The following CNBD1 variants were observed in gnomAD, a reference collection of about 807,000 sequenced individuals.
CNBD1 encodes the protein cyclic nucleotide-binding domain-containing protein 1.
A neutral mutation model predicts 54.4 loss-of-function variants in CNBD1; 71 were observed. The ratio of observed to expected loss-of-function variants is 1.30; its 90% confidence interval spans 1.08 to 1.59. The LOEUF is 1.59. Among genes scored for constraint, CNBD1 ranks in the 40% most tolerant of loss-of-function variants. CNBD1 has a pLI of 0.00. For synonymous variants in CNBD1, 182 were observed against 170.7 expected (o/e 1.07, Z -0.51); for missense variants, 659 against 518.0 (o/e 1.27, Z -2.64).
At chr8:87,047,055 A>G (rs930069270) in intron 4 of CNBD1, among the ~76,000 whole-genome samples, 3 of 152,152 alleles carry the variant, frequency 2.0e-5, no homozygotes, top group Admixed American at 6.5e-5. Flanking sequence ...TCAACATTTT[A>G]TCTCACGTGT....
chr8:87,281,555 T>TATATATATATATATAG (rs2130867061), intron 6 of CNBD1, among the ~76,000 whole-genome samples: 1 of 3,954 alleles, frequency 2.5e-4, no homozygotes, highest in East Asian at 3.4e-3. Flanking sequence ...TATATATATA[T>TATATATATATATATAG]ATATATATAT....
At chr8:87,323,547 T>G (rs1809591726) in intron 8 of CNBD1, among the ~76,000 whole-genome samples, 1 of 120,906 alleles carries the variant, frequency 8.3e-6, no homozygotes. Context: ...CCTAGGTATT[T>G]TATTCTCTTT....
chr8:87,313,204 T>C (rs531737874), intron 8 of CNBD1, among the ~76,000 whole-genome samples: 2 of 152,118 alleles, frequency 1.3e-5, no homozygotes, highest in East Asian at 3.9e-4. Context: ...ACTACGTTAA[T>C]ATTTATTTAT....
chr8:87,261,446 C>G (rs1012340895), intron 6 of CNBD1, among the ~76,000 whole-genome samples: 12 of 149,122 alleles, frequency 8.0e-5, no homozygotes, highest in African/African-American at 2.7e-4. Flanking sequence ...ATGAACCATT[C>G]ATGAATCAAG....
At position 87,026,578 on chromosome 8, in the gene CNBD1, T is replaced by TA. The variant is rs199686658; in HGVS notation, c.431+86830dup. Among the ~76,000 whole-genome samples the TA allele has an allele frequency of 3.6e-4, 55 of 152,280 alleles. No individual in the cohort carries two copies. In the East Asian group the frequency reaches 0.01, roughly 28 times the overall value. On this transcript the variant is annotated intron_variant, in intron 4 of 10. Coordinates refer to ENST00000518476, the MANE Select transcript of CNBD1 (RefSeq NM_173538.3). Reference sequence around the variant, plus strand: ...ATTTTATGATTTTCTCTTCTCTTTTTAAAAAATAACTAGTCATTTTATATT... The same window carrying TA: ...ATTTTATGATTTTCTCTTCTCTTTTTAAAAAAATAACTAGTCATTTTATATT...
intron 4 of CNBD1, among the ~76,000 whole-genome samples, chr8:87,038,011 GT>G (rs1809985871): frequency 5.9e-5 from 9 of 152,294 alleles, no homozygotes; most frequent in Non-Finnish European, 1.2e-4. Flanking sequence ...CTCACACCAA[GT>G]TTTCATGGGG....
chr8:87,418,928 T>C (rs1037590551), intron 2 of CNBD1, among the ~76,000 whole-genome samples: 5 of 151,878 alleles, frequency 3.3e-5, no homozygotes, highest in African/African-American at 4.8e-5. Context: ...ACTTTTTATA[T>C]GACTCAGCAA....
At chr8:87,255,552 A>G (rs937139400) in intron 6 of CNBD1, among the ~76,000 whole-genome samples, 9 of 152,028 alleles carry the variant, frequency 5.9e-5, no homozygotes, top group African/African-American at 2.2e-4. Flanking sequence ...ATATAAATAT[A>G]ATCAGGTTTT....
intron 4 of CNBD1, among the ~76,000 whole-genome samples, chr8:86,987,742 G>C (rs1808639833): frequency 6.6e-6 from 1 of 152,086 alleles, no homozygotes; most frequent in Admixed American, 6.6e-5. Context: ...AAGCTTTTCT[G>C]TGTCTATTGA....
At chr8:87,080,209 G>T (rs1422524749) in intron 4 of CNBD1, among the ~76,000 whole-genome samples, 1 of 152,056 alleles carries the variant, frequency 6.6e-6, no homozygotes, top group Non-Finnish European at 1.5e-5. Flanking sequence ...AATAAGCCTG[G>T]CAATCAGATA....
chr8:87,173,406 C>G (rs1813130412), intron 4 of CNBD1, among the ~76,000 whole-genome samples: 3 of 152,150 alleles, frequency 2.0e-5, no homozygotes, highest in African/African-American at 7.2e-5. Context: ...TTTCTTATTG[C>G]TCATTAACTT....
intron 3 of CNBD1, among the ~76,000 whole-genome samples, chr8:86,908,886 C>A (rs945212333): frequency 2.0e-5 from 3 of 150,940 alleles, no homozygotes; most frequent in African/African-American, 7.3e-5. Flanking sequence ...CAGCCTCAGC[C>A]TCCTGGGACT....
chr8:87,422,556 T>C (rs995242999), intron 2 of CNBD1, among the ~76,000 whole-genome samples: 2 of 152,128 alleles, frequency 1.3e-5, no homozygotes, highest in African/African-American at 4.8e-5. Flanking sequence ...CTTGTTTTTC[T>C]CAGGTTTGTC....
At chr8:87,202,738 C>T (rs191060721) in intron 4 of CNBD1, among the ~76,000 whole-genome samples, 154 of 152,116 alleles carry the variant, frequency 1.0e-3, no homozygotes, top group Admixed American at 2.5e-3. Flanking sequence ...TGAATGAGTC[C>T]GAATGCAGAA....
rs867730218 is a variant in CNBD1 at position 87,096,906 on chromosome 8, A to G, written c.432-109087A>G. The stretch of plus-strand genomic sequence containing the variant: ...GAAATTTGAGAGAAGACAAGTTTAA[A>G]TGCCAGAAAGCAGTGAAGCACTGGA... On this transcript the variant is annotated intron_variant, in intron 4 of 10. Transcript: ENST00000518476. 3.3e-5 allele frequency among the ~76,000 whole-genome samples: 5 copies of G among 152,166 alleles called. No individual in the cohort carries two copies. In the South Asian group the frequency reaches 6.2e-4, roughly 19 times the overall value.
chr8:87,170,355 A>T (rs1173766263), intron 4 of CNBD1, among the ~76,000 whole-genome samples: 1 of 152,162 alleles, frequency 6.6e-6, no homozygotes, highest in Non-Finnish European at 1.5e-5. Context: ...AGATTATATC[A>T]TCTGCAAACA....
intron 4 of CNBD1, among the ~76,000 whole-genome samples, chr8:87,025,562 C>T (rs1486824477): frequency 6.6e-6 from 1 of 151,502 alleles, no homozygotes; most frequent in Non-Finnish European, 1.5e-5. Flanking sequence ...AGACCGCGAA[C>T]CCACCAGGTG....
In CNBD1 at chr8:86,965,529, T is replaced by A. The variant is rs114328091; in HGVS notation, c.431+25775T>A. Among the ~76,000 whole-genome samples the A allele has an allele frequency of 6.5e-3, 991 of 152,234 alleles. 19 individuals are homozygous for A. The highest frequency in any genetic ancestry group is 0.023 in the African/African-American group (938 of 41,530). On this transcript the variant is annotated intron_variant, in intron 4 of 10. Coordinates refer to ENST00000518476, the MANE Select transcript of CNBD1 (RefSeq NM_173538.3). ...ACCATGCTAGTCATTTTTAACTGGCTAAGAGTCCAGTGTTTTTTCTTCATT... is the reference window on the plus strand; with the variant it reads ...ACCATGCTAGTCATTTTTAACTGGCAAAGAGTCCAGTGTTTTTTCTTCATT...
rs970564402 is a variant in CNBD1 at position 87,182,901 on chromosome 8, G to A, written c.432-23092G>A. 3.3e-5 allele frequency among the ~76,000 whole-genome samples: 5 copies of A among 152,046 alleles called. No homozygotes were observed. Among genetic ancestry groups the A allele is most frequent in the African/African-American group, 1.2e-4 (5 of 41,400 alleles). On this transcript the variant is annotated intron_variant, in intron 4 of 10. Coordinates refer to ENST00000518476, the MANE Select transcript of CNBD1 (RefSeq NM_173538.3). The surrounding 1 kb of genome is among the most constrained non-coding windows in gnomAD (Gnocchi z 4.1). ...CTTTGTCCTGTGCAGAACCTCTTTG[G>A]TTTAATTAGGTTACACTTATGTATT... is the stretch of plus-strand genomic sequence containing the variant.
Sources: gnomAD v4.1 joint callset for allele counts (sites outside exome capture counted in the v4.1 genomes callset) on GRCh38, gnomAD v4.1.1 for gene constraint, Gnocchi (gnomAD v3.1) non-coding constraint, MANE v1.5 for transcripts, NCBI Gene and HGNC (gene_info 2026-07-23, HGNC 2026-07-21) for gene names.